Variants in THSD7B observed in about 807,000 individuals in gnomAD.
THSD7B encodes thrombospondin type 1 domain containing 7B.
In THSD7B, 138 loss-of-function variants were observed where a neutral mutation model predicts 213.6. That is an observed-to-expected ratio of 0.65 (90% CI 0.56 to 0.74). THSD7B has a LOEUF of 0.74. Among genes scored for constraint, THSD7B ranks in the 30% least tolerant of loss-of-function variants. The pLI is 0.00. For synonymous variants in THSD7B, 742 were observed against 687.0 expected (o/e 1.08, Z -1.25); for missense variants, 1,931 against 1,991.5 (o/e 0.97, Z 0.58).
At chr2:136,819,090 G>T (rs1682530193) in intron 1 of THSD7B, among the ~76,000 whole-genome samples, 1 of 152,062 alleles carries the variant, frequency 6.6e-6, no homozygotes, top group Non-Finnish European at 1.5e-5. Context: ...ATTTCATCTG[G>T]ATCCTCCAGT....
chr2:137,312,462 T>G (rs1683942754), intron 12 of THSD7B, among the ~76,000 whole-genome samples: 1 of 148,860 alleles, frequency 6.7e-6, no homozygotes, highest in African/African-American at 2.5e-5. Context: ...AACCAGCTCC[T>G]GGATTCGTTA....
rs142815478 is a variant in THSD7B at position 137,082,715 on chromosome 2, C to G, written c.951-12158C>G. Among the ~76,000 whole-genome samples, 89 of 152,096 alleles carry G rather than the reference C, an allele frequency of 5.9e-4. 1 individual carries two copies. Among genetic ancestry groups the G allele is most frequent in the African/African-American group, 2.0e-3 (85 of 41,524 alleles). On this transcript the variant is annotated intron_variant, in intron 3 of 27. Coordinates refer to ENST00000409968, the MANE Select transcript of THSD7B (RefSeq NM_001316349.2). The stretch of plus-strand genomic sequence containing the variant: ...AGATGATTGCTGATATTGCTTATAT[C>G]TCTAACCGGTTGTACACACATCCAC...
intron 1 of THSD7B, among the ~76,000 whole-genome samples, chr2:136,841,878 T>C (rs1302710844): frequency 6.6e-6 from 1 of 152,130 alleles, no homozygotes; most frequent in Non-Finnish European, 1.5e-5. Flanking sequence ...GGTAGGTAAA[T>C]TGTAAAATTA....
chr2:137,431,206 G>A (rs947666278), intron 14 of THSD7B, among the ~76,000 whole-genome samples: 5 of 152,150 alleles, frequency 3.3e-5, no homozygotes, highest in African/African-American at 1.2e-4. Context: ...TAGAAAGTGA[G>A]ACAACTCAAA....
At chr2:137,296,562 G>A (rs561846700) in intron 12 of THSD7B, among the ~76,000 whole-genome samples, 1 of 152,208 alleles carries the variant, frequency 6.6e-6, no homozygotes, top group South Asian at 2.1e-4. Flanking sequence ...AACTCATAAT[G>A]CAGATAGGAT....
chr2:137,111,772 T>C (rs1421225805), intron 4 of THSD7B, among the ~76,000 whole-genome samples: 6 of 152,138 alleles, frequency 3.9e-5, no homozygotes, highest in African/African-American at 1.2e-4. Context: ...CACTCTCACG[T>C]TGGTAAGGGG....
chr2:137,248,625 T>C (rs16838441), intron 10 of THSD7B, among the ~76,000 whole-genome samples: 8,696 of 152,176 alleles, frequency 0.057, 522 homozygotes, highest in East Asian at 0.33. Flanking sequence ...AAGCACTAAC[T>C]TGCCTCTTTA....
At chr2:136,829,821 T>C (rs1682719092) in intron 1 of THSD7B, among the ~76,000 whole-genome samples, 2 of 152,212 alleles carry the variant, frequency 1.3e-5, no homozygotes, top group Non-Finnish European at 2.9e-5. Flanking sequence ...CTTTGAAGCA[T>C]ATACATTCCA....
chr2:137,040,107 T>C (rs886675734), intron 2 of THSD7B, among the ~76,000 whole-genome samples: 1 of 152,194 alleles, frequency 6.6e-6, no homozygotes, highest in Non-Finnish European at 1.5e-5. Flanking sequence ...AGCAATGCCC[T>C]GCATGGCTTA....
chr2:137,336,075 T>C (rs1198755990), intron 12 of THSD7B, among the ~76,000 whole-genome samples: 2 of 150,742 alleles, frequency 1.3e-5, no homozygotes, highest in Admixed American at 6.7e-5. Flanking sequence ...ATTGATTAAG[T>C]GTTGTTTTCC....
intron 20 of THSD7B, among the ~76,000 whole-genome samples, chr2:137,626,234 G>A (rs1036970124): frequency 2.0e-5 from 3 of 152,118 alleles, no homozygotes; most frequent in African/African-American, 7.2e-5. Flanking sequence ...AGGCCGAGGC[G>A]GGCGGATCAC....
At chr2:137,136,904 A>G (rs563680914) in intron 5 of THSD7B, among the ~76,000 whole-genome samples, 6 of 152,354 alleles carry the variant, frequency 3.9e-5, no homozygotes, top group South Asian at 2.1e-4. Flanking sequence ...ATGTATTGCC[A>G]TTAAATAGGA....
In THSD7B at chr2:137,611,363, A is replaced by G. The variant is rs1342357593; in HGVS notation, c.3424-4812A>G. ...TTAATATTGCCGGCTTTTACCCACT[A>G]AATTGAGAACCAAGATGGCATGATT... On this transcript the variant is annotated intron_variant, in intron 17 of 27. Transcript: ENST00000409968. 3.9e-5 allele frequency among the ~76,000 whole-genome samples: 6 copies of G among 152,088 alleles called. No homozygotes were observed. In the East Asian group the frequency reaches 1.2e-3, roughly 29 times the overall value.
At chr2:137,130,942 A>AGC (rs1016946478) in intron 5 of THSD7B, among the ~76,000 whole-genome samples, 3 of 151,828 alleles carry the variant, frequency 2.0e-5, no homozygotes, top group Admixed American at 6.6e-5. Context: ...TAGATCTCTG[A>AGC]GGAATCGCCA....
intron 12 of THSD7B, among the ~76,000 whole-genome samples, chr2:137,327,172 G>A (rs972389875): frequency 1.6e-4 from 24 of 152,268 alleles, no homozygotes; most frequent in Admixed American, 9.2e-4. Flanking sequence ...GATTTAAAGC[G>A]CAAGCCTGTT....
intron 17 of THSD7B, 96 bp from the exon 18 acceptor site, chr2:137,616,079 A>G: frequency 1.6e-6 from 2 of 1,237,356 alleles, no homozygotes; most frequent in Non-Finnish European, 2.2e-6. Flanking sequence ...TCTATTCCCT[A>G]TATTGTTACA....
At chr2:137,595,332 A>T (rs1326156753) in intron 17 of THSD7B, among the ~76,000 whole-genome samples, 2 of 152,008 alleles carry the variant, frequency 1.3e-5, no homozygotes, top group Non-Finnish European at 2.9e-5. Flanking sequence ...TATATACCAC[A>T]TCTTCTCATT....
chr2:137,348,703 C>CTTTTTTTTTTTTTTTTTTTT (rs80150345), intron 12 of THSD7B, among the ~76,000 whole-genome samples: 21 of 110,908 alleles, frequency 1.9e-4, no homozygotes, highest in South Asian at 3.3e-4. Context: ...CTATGAACTC[C>CTTTTTTTTTTTTTTTTTTTT]TTTTTTTTTT....
chr2:136,967,189 G>T (rs1685330307), intron 2 of THSD7B, among the ~76,000 whole-genome samples: 1 of 151,950 alleles, frequency 6.6e-6, no homozygotes, highest in Non-Finnish European at 1.5e-5. Context: ...AAATACTGAA[G>T]GACTGTTTCA....
Sources: allele counts gnomAD v4.1 joint callset (sites outside exome capture counted in the v4.1 genomes callset), GRCh38; gene constraint gnomAD v4.1.1; transcripts MANE v1.5; gene names NCBI Gene and HGNC (gene_info 2026-07-23, HGNC 2026-07-21).